Variants in ABCA1 observed in about 807,000 individuals in gnomAD.
ABCA1 encodes phospholipid-transporting ATPase ABCA1.
A neutral mutation model predicts 262.5 loss-of-function variants in ABCA1; 133 were observed. The ratio of observed to expected loss-of-function variants is 0.51; its 90% confidence interval spans 0.44 to 0.59. The LOEUF is 0.59. Ranked by LOEUF, ABCA1 falls within the 20% of genes least tolerant of loss-of-function variation. The probability of loss-of-function intolerance (pLI) is 0.00; values close to 1 mark genes in which losing one functional copy is unlikely to be tolerated. For missense variants in ABCA1, 2,452 were observed against 2,777.5 expected (o/e 0.88, Z 2.63); for synonymous variants, 1,022 against 1,043.5 (o/e 0.98, Z 0.40).
At chr9:104,840,190 C>G in intron 9 of ABCA1, 89 bp downstream of exon 9, 1 of 1,607,332 alleles carries the variant, frequency 6.2e-7, no homozygotes, top group South Asian at 1.1e-5. Flanking sequence ...TCTAACGCTG[C>G]TACAGAGGGA....
Position 104,884,435 on chromosome 9 carries a change from G to T in ABCA1, c.294C>A (p.Asn98Lys). ...GEAPGVVGNF[N>K]KSIVARLFSD... The stretch of plus-strand genomic sequence containing the variant: ...CCTGATCTGATACTTACATGGATTT[G>T]TTAAAGTTTCCAACAACTCCGGGAG... Residue 98 changes from asparagine to lysine, a missense_variant, in exon 4 of 50, where the codon AAC becomes AAA. Coordinates refer to ENST00000374736, the MANE Select transcript of ABCA1 (RefSeq NM_005502.4). 3.1e-6 allele frequency: 5 copies of T among 1,614,230 alleles called. No homozygotes were observed. Among genetic ancestry groups the T allele is most frequent in the Non-Finnish European group, 4.2e-6 (5 of 1,180,030 alleles).
At chr9:104,840,144 A>G in intron 9 of ABCA1, 135 bp downstream of exon 9, 1 of 1,449,250 alleles carries the variant, frequency 6.9e-7, no homozygotes, top group Non-Finnish European at 9.5e-7. Context: ...TCCTCTAGGA[A>G]GAGCTCAGTC....
chr9:104,802,830 G>A (rs73663550), intron 33 of ABCA1, among the ~76,000 whole-genome samples: 1,632 of 152,254 alleles, frequency 0.011, 34 homozygotes, highest in African/African-American at 0.038. Flanking sequence ...TGGTTTTGGC[G>A]CTTCTTATTT....
At chr9:104,784,858 T>G (rs1448785842) in intron 49 of ABCA1, among the ~76,000 whole-genome samples, 4 of 152,072 alleles carry the variant, frequency 2.6e-5, no homozygotes, top group Admixed American at 6.6e-5. Flanking sequence ...TGGCCAGGAT[T>G]ATCTGGATCT....
At chr9:104,901,059 G>A (rs1442528666) in intron 2 of ABCA1, among the ~76,000 whole-genome samples, 1 of 152,160 alleles carries the variant, frequency 6.6e-6, no homozygotes, top group Non-Finnish European at 1.5e-5. Context: ...CAAGCAAGAA[G>A]CAACAAGACC....
At position 104,819,626 on chromosome 9, in the gene ABCA1, G is replaced by A. The variant is rs771864124; in HGVS notation, c.3201C>T (p.Ser1067=). The change falls in exon 22 of 50, where the codon TCC becomes TCT. Residue 1067 remains serine, a synonymous_variant. Transcript: ENST00000374736. Reference sequence around the variant, plus strand: ...GCAGCAGCTCCCATATTCCCCTGCGGGAGTAAGGGTCCACACCAGCTGTGG... The same window carrying A: ...GCAGCAGCTCCCATATTCCCCTGCGAGAGTAAGGGTCCACACCAGCTGTGG... ...DEPTAGVDPY[S]RRGIWELLLK... 1 of 1,614,192 alleles carries A rather than the reference G, an allele frequency of 6.2e-7. No homozygotes were observed. The highest frequency in any genetic ancestry group is 1.1e-5 in the South Asian group (1 of 91,084).
At chr9:104,790,123 C>T (rs1829300556) in intron 44 of ABCA1, among the ~76,000 whole-genome samples, 1 of 151,724 alleles carries the variant, frequency 6.6e-6, no homozygotes, top group South Asian at 2.1e-4. Context: ...AGAGAAGCCC[C>T]ACATATTTAA....
chr9:104,890,058 G>GA (rs1839574010), intron 2 of ABCA1, among the ~76,000 whole-genome samples: 1 of 152,174 alleles, frequency 6.6e-6, no homozygotes, highest in African/African-American at 2.4e-5. Flanking sequence ...CAATATAATT[G>GA]AGCCAGTAGT....
chr9:104,836,982 G>A lies in ABCA1; in HGVS notation c.1309C>T (p.Arg437Trp), dbSNP rs150448790. 45 of 1,612,576 alleles carry A rather than the reference G, an allele frequency of 2.8e-5. No homozygotes were observed. Among genetic ancestry groups the A allele is most frequent in the Non-Finnish European group, 3.2e-5 (38 of 1,178,738 alleles). Residue 437 changes from arginine (R) to tryptophan (W), a missense_variant and splice_region_variant, in exon 11 of 50, where the codon CGG becomes TGG. Transcript: ENST00000374736. ...GTAATAATGGGAGGGACACTCACCCGGACAAGGTCCATTTCTTGGCTGTTC... is the reference window on the plus strand; with the variant it reads ...GTAATAATGGGAGGGACACTCACCCAGACAAGGTCCATTTCTTGGCTGTTC... ...MENSQEMDLV[R>W]MLLDSRDNDH...
chr9:104,915,612 TTC>T (rs68101574), intron 1 of ABCA1, among the ~76,000 whole-genome samples: 6 of 152,176 alleles, frequency 3.9e-5, no homozygotes, highest in Non-Finnish European at 7.3e-5. Context: ...ATTATCAAGA[TTC>T]TGAGTGTTCC....
At chr9:104,862,081 C>T (rs1305832356) in intron 5 of ABCA1, among the ~76,000 whole-genome samples, 3 of 148,220 alleles carry the variant, frequency 2.0e-5, no homozygotes, top group African/African-American at 7.7e-5. Context: ...CACACATACA[C>T]ACACACACAG....
chr9:104,813,999 T>A, intron 27 of ABCA1, 119 bp downstream of exon 27: 1 of 1,033,878 alleles, frequency 9.7e-7, no homozygotes, highest in Non-Finnish European at 1.5e-6. Context: ...TCACTTCTCT[T>A]TGGACTCTGT....
At position 104,800,460 on chromosome 9, in the gene ABCA1, T is replaced by C. The variant is rs187811498; in HGVS notation, c.4773+50A>G. The C allele has an allele frequency of 9.7e-6, 15 of 1,546,564 alleles. No individual in the cohort carries two copies. In the East Asian group the frequency reaches 2.9e-4, roughly 30 times the overall value. On this transcript the variant is annotated intron_variant, in intron 35 of 49. Coordinates refer to ENST00000374736, the MANE Select transcript of ABCA1 (RefSeq NM_005502.4). The stretch of plus-strand genomic sequence containing the variant: ...TGAGTTGAAAGTACTCCAGGAAACA[T>C]AAGGATTATTGTTCATCAAAAAGCT...
At position 104,861,716 on chromosome 9, in the gene ABCA1, A is replaced by C; in HGVS notation, c.506T>G (p.Val169Gly). 6.2e-7 allele frequency: 1 copy of C among 1,614,132 alleles called. No individual in the cohort carries two copies. The highest frequency in any genetic ancestry group is 8.5e-7 in the Non-Finnish European group (1 of 1,180,022). Residue 169 changes from valine to glycine, a missense_variant, in exon 6 of 50, where the codon GTG becomes GGG. Val to Gly is a moderately radical substitution (Grantham distance 109). Coordinates refer to ENST00000374736, the MANE Select transcript of ABCA1 (RefSeq NM_005502.4). Reference sequence around the variant, plus strand: ...GACATCAGCCCTCAGCATCTTGTCCACAGTAGACTTTGGGAGAGAGAGGTT... The same window carrying C: ...GACATCAGCCCTCAGCATCTTGTCCCCAGTAGACTTTGGGAGAGAGAGGTT... ...YHNLSLPKST[V>G]DKMLRADVIL... is the part of the protein sequence containing the mutation.
At chr9:104,823,319 T>A (rs1002091322) in intron 18 of ABCA1, among the ~76,000 whole-genome samples, 3 of 152,070 alleles carry the variant, frequency 2.0e-5, no homozygotes, top group Non-Finnish European at 4.4e-5. Flanking sequence ...TAGAACTAAA[T>A]ACGCACACAC....
At chr9:104,922,364 T>C (rs917111994) in intron 1 of ABCA1, among the ~76,000 whole-genome samples, 8 of 152,324 alleles carry the variant, frequency 5.3e-5, no homozygotes, top group African/African-American at 1.7e-4. Context: ...AATATTTCAT[T>C]TGTCAAAACT....
intron 8 of ABCA1, among the ~76,000 whole-genome samples, chr9:104,844,490 G>A (rs1057184290): frequency 6.6e-6 from 1 of 152,080 alleles, no homozygotes; most frequent in African/African-American, 2.4e-5. Flanking sequence ...TTTGATCTCA[G>A]CATTTTTGTA....
intron 30 of ABCA1, among the ~76,000 whole-genome samples, chr9:104,807,200 A>G (rs147974895): frequency 4.2e-4 from 64 of 152,284 alleles, no homozygotes; most frequent in African/African-American, 1.5e-3. Flanking sequence ...AAAAATGAGT[A>G]GAGACTGGCA....
rs528879740 is a variant in ABCA1, at chr9:104,794,271, T to C, written c.5506+116A>G. ...TGAGCCCTGTCACTGGGCATGGGGGTGGGGGAACATCCTGTGCTTAGTCAC... is the reference window on the plus strand; with the variant it reads ...TGAGCCCTGTCACTGGGCATGGGGGCGGGGGAACATCCTGTGCTTAGTCAC... On this transcript the variant is annotated intron_variant, in intron 40 of 49. Transcript: ENST00000374736. 2.9e-5 allele frequency: 44 copies of C among 1,502,960 alleles called. No individual in the cohort carries two copies. The East Asian group carries it at 9.7e-4, about 33-fold the overall frequency. 93.1% of individuals were successfully genotyped at this position (1,502,960 alleles called of 1,614,324 possible).
Sources: gnomAD v4.1 joint callset for allele counts (sites outside exome capture counted in the v4.1 genomes callset) on GRCh38, gnomAD v4.1.1 for gene constraint, MANE v1.5 for transcripts, NCBI Gene and HGNC (gene_info 2026-07-23, HGNC 2026-07-21) for gene names.